Variants in NHS observed in about 807,000 individuals in gnomAD.
NHS encodes NHS actin remodeling regulator.
NHS carries 5 observed loss-of-function variants against 72.5 expected under a neutral mutation model. That is an observed-to-expected ratio of 0.07 (90% CI 0.04 to 0.14). The LOEUF is 0.14. Ranked by LOEUF, NHS falls within the 10% of genes least tolerant of loss-of-function variation. NHS has a pLI of 1.00. For missense variants in NHS, 1,072 were observed against 1,355.7 expected, an observed-to-expected ratio of 0.79 and a Z score of 3.29; for synonymous variants, 464 against 547.7, an observed-to-expected ratio of 0.85 and a Z score of 2.13.
intron 1 of NHS, among the ~76,000 whole-genome samples, chrX:17,556,029 G>A (rs762051749): frequency 3.5e-5 from 4 of 112,715 alleles, no homozygotes; most frequent in African/African-American, 9.7e-5. Context: ...AAGAGCAGAC[G>A]GGTTTGGATA....
intron 1 of NHS, among the ~76,000 whole-genome samples, chrX:17,577,203 A>G (rs2065517216): frequency 8.9e-6 from 1 of 112,241 alleles, no homozygotes; most frequent in Non-Finnish European, 1.9e-5. Flanking sequence ...TTAATGAAGT[A>G]GATTATACAT....
chrX:17,492,367 A>G (rs755036692), intron 1 of NHS, among the ~76,000 whole-genome samples: 4 of 111,880 alleles, frequency 3.6e-5, no homozygotes, highest in Non-Finnish European at 5.6e-5. Context: ...GAACATCTTT[A>G]TTTCTGCCTT....
At chrX:17,670,724 C>G (rs888834722) in intron 1 of NHS, among the ~76,000 whole-genome samples, 11 of 112,333 alleles carry the variant, frequency 9.8e-5, no homozygotes, top group African/African-American at 3.6e-4. Flanking sequence ...TGGGCCATTG[C>G]TTGGGTTCAA....
At chrX:17,518,708 T>C (rs1164342950) in intron 1 of NHS, among the ~76,000 whole-genome samples, 1 of 112,079 alleles carries the variant, frequency 8.9e-6, no homozygotes, top group Non-Finnish European at 1.9e-5. Context: ...GCATGGTGGC[T>C]GGGAACAATG....
At chrX:17,602,489 A>C (rs929225621) in intron 1 of NHS, among the ~76,000 whole-genome samples, 3 of 111,563 alleles carry the variant, frequency 2.7e-5, no homozygotes, top group African/African-American at 9.8e-5. Context: ...AGGGCCCACT[A>C]TACTCTAAGA....
intron 1 of NHS, among the ~76,000 whole-genome samples, chrX:17,416,792 ATGTGTGTG>A (rs770265000): frequency 4.2e-5 from 4 of 95,714 alleles, no homozygotes; most frequent in Non-Finnish European, 8.4e-5. Context: ...ATGTAGGAGT[ATGTGTGTG>A]TGTGTGTGTG....
At chrX:17,385,929 A>G (rs1206081823) in intron 1 of NHS, among the ~76,000 whole-genome samples, 1 of 111,930 alleles carries the variant, frequency 8.9e-6, no homozygotes, top group Non-Finnish European at 1.9e-5. Context: ...CTTAGTACCC[A>G]TAGAATCAAA....
intron 1 of NHS, among the ~76,000 whole-genome samples, chrX:17,456,751 C>G (rs1261904100): frequency 8.9e-6 from 1 of 111,766 alleles, no homozygotes; most frequent in Admixed American, 9.5e-5. Flanking sequence ...CTATGTGTGG[C>G]TGAATGAGAG....
chrX:17,673,776 A>C (rs2066063776), intron 1 of NHS, among the ~76,000 whole-genome samples: 1 of 111,798 alleles, frequency 8.9e-6, no homozygotes, highest in Non-Finnish European at 1.9e-5. Context: ...AATATTAAAA[A>C]ATTTTTGCCT....
At chrX:17,603,895 A>T (rs1270305205) in intron 1 of NHS, among the ~76,000 whole-genome samples, 1 of 111,155 alleles carries the variant, frequency 9.0e-6, no homozygotes, top group African/African-American at 3.3e-5. Context: ...TCTCATAGTC[A>T]TTGAAAGGAA....
At position 17,572,006 on chromosome X, in the gene NHS, T is replaced by A. The variant is rs757074339; in HGVS notation, c.566-115736T>A. 5.7e-4 allele frequency among the ~76,000 whole-genome samples: 64 copies of A among 112,503 alleles called. 1 individual carries two copies. The highest frequency in any genetic ancestry group is 2.0e-3 in the African/African-American group (61 of 30,994). On this transcript the variant is annotated intron_variant, in intron 1 of 8. Transcript: ENST00000676302. Reference sequence around the variant, plus strand: ...TGAGTTTCTTAATCCTGAGTTCTAGTTCGATTGCACTGTGGTCTGAGAGAC... The same window carrying A: ...TGAGTTTCTTAATCCTGAGTTCTAGATCGATTGCACTGTGGTCTGAGAGAC...
chrX:17,547,789 G>C (rs1336727931), intron 1 of NHS, among the ~76,000 whole-genome samples: 1 of 112,025 alleles, frequency 8.9e-6, no homozygotes, highest in African/African-American at 3.3e-5. Context: ...GATCCTGTGG[G>C]TCAGCTGGGC....
intron 3 of NHS, among the ~76,000 whole-genome samples, chrX:17,706,470 C>A (rs769273586): frequency 1.9e-5 from 2 of 103,125 alleles, no homozygotes; most frequent in Non-Finnish European, 3.8e-5. Flanking sequence ...TTCTTTAAGT[C>A]TAAATTATTT....
chrX:17,426,195 T>G (rs2064656282), intron 1 of NHS, among the ~76,000 whole-genome samples: 2 of 111,940 alleles, frequency 1.8e-5, no homozygotes, highest in Non-Finnish European at 3.8e-5. Context: ...TGAGAGTATT[T>G]ACACTATAGA....
chrX:17,635,690 T>G, intron 1 of NHS: 1 of 895,211 alleles, frequency 1.1e-6, no homozygotes, highest in South Asian at 2.4e-5. Context: ...AGCCACTTCC[T>G]ATTCTGGGAG....
chrX:17,574,219 C>T (rs1303001719), intron 1 of NHS, among the ~76,000 whole-genome samples: 1 of 112,305 alleles, frequency 8.9e-6, no homozygotes, highest in Non-Finnish European at 1.9e-5. Flanking sequence ...TCAGAGCTGT[C>T]AGGCAGGGAC....
At chrX:17,593,220 G>A (rs1257271141) in intron 1 of NHS, among the ~76,000 whole-genome samples, 1 of 111,241 alleles carries the variant, frequency 9.0e-6, no homozygotes, top group East Asian at 2.8e-4. Flanking sequence ...AGTCCCCTCC[G>A]CTATAAAATG....
chrX:17,633,991 T>G (rs1488011616), intron 1 of NHS, among the ~76,000 whole-genome samples: 1 of 111,615 alleles, frequency 9.0e-6, no homozygotes, highest in Non-Finnish European at 1.9e-5. Flanking sequence ...CTCTTTGCTT[T>G]CTCTCTCTTC....
chrX:17,486,584 C>A (rs959584596), intron 1 of NHS, among the ~76,000 whole-genome samples: 1 of 111,560 alleles, frequency 9.0e-6, no homozygotes, highest in African/African-American at 3.3e-5. Flanking sequence ...GGAGGACAAG[C>A]CCCACAGAAC....
Sources: gnomAD v4.1 joint callset for allele counts (sites outside exome capture counted in the v4.1 genomes callset) on GRCh38, gnomAD v4.1.1 for gene constraint, MANE v1.5 for transcripts, NCBI Gene and HGNC (gene_info 2026-07-23, HGNC 2026-07-21) for gene names.